DMD: variants seen among roughly 807,000 people sequenced by gnomAD.
The protein encoded by DMD is dystrophin, also known as mutant dystrophin.
DMD carries 63 observed loss-of-function variants against 330.1 expected under a neutral mutation model. The observed-to-expected ratio is 0.19, with a 90% CI of 0.16 to 0.24. The LOEUF (loss-of-function observed/expected upper bound fraction) is 0.24. Ranked by LOEUF, DMD falls within the 10% of genes least tolerant of loss-of-function variation. The probability of loss-of-function intolerance (pLI) is 1.00; values close to 1 mark genes in which losing one functional copy is unlikely to be tolerated. For missense variants in DMD, 3,344 were observed against 2,684.1 expected (o/e 1.25, Z -5.43); for synonymous variants, 1,223 against 959.8 (o/e 1.27, Z -5.07).
At chrX:32,285,046 G>A (rs2097434630) in intron 43 of DMD, among the ~76,000 whole-genome samples, 1 of 112,477 alleles carries the variant, frequency 8.9e-6, no homozygotes, top group South Asian at 3.6e-4. Flanking sequence ...ATGACCCAGT[G>A]AGAAGGGAAT....
intron 59 of DMD, among the ~76,000 whole-genome samples, chrX:31,447,363 C>T (rs2065363481): frequency 1.0e-5 from 1 of 95,258 alleles, no homozygotes; most frequent in Non-Finnish European, 2.0e-5. Context: ...CCAAAGTCTT[C>T]ATTCTCTTTG....
chrX:32,850,736 C>T (rs905581984), intron 2 of DMD, among the ~76,000 whole-genome samples: 1 of 111,570 alleles, frequency 9.0e-6, no homozygotes, highest in Non-Finnish European at 1.9e-5. Flanking sequence ...CATACTTCAC[C>T]AAATCGTTTT....
At chrX:32,547,782 C>T (rs1009044445) in intron 16 of DMD, among the ~76,000 whole-genome samples, 1 of 111,150 alleles carries the variant, frequency 9.0e-6, no homozygotes, top group Admixed American at 9.6e-5. Flanking sequence ...CTCACTACTC[C>T]CTGAAACAGA....
At position 33,232,639 on chromosome X, in the gene DMD, C is replaced by T. The variant is rs371517415; in HGVS notation, c.7+106620G>A. 2.7e-5 allele frequency among the ~76,000 whole-genome samples: 3 copies of T among 111,421 alleles called. No homozygotes were observed. The South Asian group carries it at 1.1e-3, about 42-fold the overall frequency. On this transcript the variant is annotated intron_variant, in intron 1 of 17. Coordinates refer to the DMD transcript ENST00000288447. ...GGTGCGGAGTCTCACACCTGTAATC[C>T]TAGCACTTTGGGAGGCCGAGAGGGG...
chrX:32,265,391 G>A (rs1318641103), intron 43 of DMD, among the ~76,000 whole-genome samples: 2 of 112,702 alleles, frequency 1.8e-5, no homozygotes. Context: ...ATATGGAAAT[G>A]TCTAGATATC....
intron 1 of DMD, among the ~76,000 whole-genome samples, chrX:33,312,191 A>G (rs763139511): frequency 9.0e-6 from 1 of 111,276 alleles, no homozygotes; most frequent in African/African-American, 3.3e-5. Flanking sequence ...CTGAGAAAAC[A>G]CGGGTTTGAA....
intron 13 of DMD, among the ~76,000 whole-genome samples, chrX:32,591,426 T>C (rs1260257336): frequency 8.9e-6 from 1 of 112,328 alleles, no homozygotes; most frequent in African/African-American, 3.2e-5. Flanking sequence ...GGCTTAACCA[T>C]GTTTCTCCTT....
At chrX:33,240,347 A>G (rs1344219285) in intron 1 of DMD, among the ~76,000 whole-genome samples, 2 of 111,957 alleles carry the variant, frequency 1.8e-5, no homozygotes, top group African/African-American at 6.5e-5. Flanking sequence ...GGCTTATTTA[A>G]CTTAATATCC....
intron 48 of DMD, among the ~76,000 whole-genome samples, chrX:31,861,609 C>T (rs1322084297): frequency 1.0e-5 from 1 of 98,595 alleles, no homozygotes; most frequent in Non-Finnish European, 2.0e-5. Context: ...AGAGACAGTT[C>T]TTTAACTACT....
rs754750547 is a variant in DMD, at chrX:32,844,766, T to C, written c.264+17A>G. ...GCTGTGTCACAGCATCCAGACCTTG[T>C]CCAGGGTACTACTTACATTATTGTT... is the stretch of plus-strand genomic sequence containing the variant. On this transcript the variant is annotated intron_variant, in intron 4 of 78. Transcript: ENST00000357033. 1 of 1,196,706 alleles carries C rather than the reference T, an allele frequency of 8.4e-7. No homozygotes were observed. The highest frequency in any genetic ancestry group is 2.2e-5 in the Admixed American group (1 of 46,036).
At chrX:32,181,253 A>AAC (rs1307138246) in intron 44 of DMD, among the ~76,000 whole-genome samples, 1 of 111,710 alleles carries the variant, frequency 9.0e-6, no homozygotes, top group Non-Finnish European at 1.9e-5. Flanking sequence ...GCTAGGAAGA[A>AAC]ACATGGCCAA....
chrX:32,695,575 A>G (rs2063589474), intron 9 of DMD, among the ~76,000 whole-genome samples: 1 of 111,609 alleles, frequency 9.0e-6, no homozygotes, highest in East Asian at 2.8e-4. Context: ...AAACTTCATA[A>G]TAAACTTCAC....
At chrX:31,751,738 G>A (rs1569345536) in intron 51 of DMD, among the ~76,000 whole-genome samples, 1 of 112,092 alleles carries the variant, frequency 8.9e-6, no homozygotes, top group African/African-American at 3.2e-5. Flanking sequence ...TTAAAATTGT[G>A]CAAAGTTAGT....
intron 17 of DMD, among the ~76,000 whole-genome samples, chrX:32,544,578 G>A (rs1247207562): frequency 9.0e-6 from 1 of 111,194 alleles, no homozygotes; most frequent in African/African-American, 3.3e-5. Flanking sequence ...TATCTAAAAT[G>A]CATAATTCTG....
At chrX:32,114,524 T>G (rs1250462143) in intron 44 of DMD, among the ~76,000 whole-genome samples, 1 of 111,633 alleles carries the variant, frequency 9.0e-6, no homozygotes, top group Non-Finnish European at 1.9e-5. Flanking sequence ...ACCGTCCTCT[T>G]TTGTCCTTTC....
At chrX:32,260,161 G>C (rs2097316105) in intron 43 of DMD, among the ~76,000 whole-genome samples, 1 of 111,093 alleles carries the variant, frequency 9.0e-6, no homozygotes, top group African/African-American at 3.3e-5. Flanking sequence ...AGGAAGTGAT[G>C]CATCACTTCT....
At chrX:32,633,601 C>A (rs2058890900) in intron 11 of DMD, among the ~76,000 whole-genome samples, 1 of 111,952 alleles carries the variant, frequency 8.9e-6, no homozygotes, top group South Asian at 3.7e-4. Flanking sequence ...ATTTTCTGTA[C>A]TAGGCCACTC....
intron 12 of DMD, among the ~76,000 whole-genome samples, chrX:32,602,637 A>T: frequency 9.0e-6 from 1 of 111,388 alleles, no homozygotes; most frequent in Non-Finnish European, 1.9e-5. Context: ...CTACAGGAGT[A>T]ATGGTGATGA....
chrX:32,663,847 T>C (rs2061109421), intron 9 of DMD, among the ~76,000 whole-genome samples: 1 of 110,649 alleles, frequency 9.0e-6, no homozygotes, highest in Admixed American at 9.6e-5. Flanking sequence ...GTCATGTGAG[T>C]ATGTGGAGGA....
Sources: gnomAD v4.1 joint callset for allele counts (sites outside exome capture counted in the v4.1 genomes callset) on GRCh38, gnomAD v4.1.1 for gene constraint, MANE v1.5 for transcripts, NCBI Gene and HGNC (gene_info 2026-07-23, HGNC 2026-07-21) for gene names.